VPS45: variants seen among roughly 807,000 people sequenced by gnomAD.
VPS45 encodes vacuolar protein sorting 45 homolog.
Under a neutral mutation model 75.9 loss-of-function variants are expected in VPS45, and 35 were observed. The observed-to-expected ratio is 0.46, with a 90% CI of 0.35 to 0.61. The LOEUF (loss-of-function observed/expected upper bound fraction) is 0.61, where lower values mean the gene tolerates loss of function less well. VPS45 is among the 20% of genes least tolerant of loss of function. The probability of loss-of-function intolerance (pLI) is 0.00; values close to 1 mark genes in which losing one functional copy is unlikely to be tolerated. For synonymous variants in VPS45, 220 were observed against 238.2 expected (o/e 0.92, Z 0.70); for missense variants, 559 against 685.9 (o/e 0.81, Z 2.07).
At chr1:150,093,709 A>G in intron 13 of VPS45, 61 bp downstream of exon 13, 1 of 1,569,382 alleles carries the variant, frequency 6.4e-7, no homozygotes, top group Non-Finnish European at 8.6e-7. Context: ...GAAAATTTAG[A>G]GTAATGTTAA....
At chr1:150,134,435 G>T (rs895156048) in intron 14 of VPS45, among the ~76,000 whole-genome samples, 1 of 152,136 alleles carries the variant, frequency 6.6e-6, no homozygotes, top group Non-Finnish European at 1.5e-5. Context: ...AAATACGCTT[G>T]AGCCTTTCAC....
intron 13 of VPS45, among the ~76,000 whole-genome samples, chr1:150,102,277 G>C (rs1162021413): frequency 4.1e-5 from 6 of 147,774 alleles, no homozygotes; most frequent in African/African-American, 1.2e-4. Flanking sequence ...TGGCCAGGTT[G>C]GGTGGCTCAT....
At chr1:150,132,906 T>C (rs903352857) in intron 14 of VPS45, among the ~76,000 whole-genome samples, 1 of 152,206 alleles carries the variant, frequency 6.6e-6, no homozygotes, top group African/African-American at 2.4e-5. Flanking sequence ...TTAGAGGTGA[T>C]CTGGCAGAGG....
chr1:150,092,878 G>C (rs1656413258), intron 12 of VPS45, among the ~76,000 whole-genome samples: 1 of 110,432 alleles, frequency 9.1e-6, no homozygotes, highest in African/African-American at 3.6e-5. Context: ...GTCTCGCTCT[G>C]TCTCCCAGGC....
At position 150,092,011 on chromosome 1, in the gene VPS45, A is replaced by C; in HGVS notation, c.1179A>C (p.Leu393Phe). The change falls in exon 11 of 15, where the codon TTA (leucine) becomes TTC (phenylalanine). Residue 393 changes from leucine to phenylalanine, a missense_variant. Leu to Phe is a conservative substitution (Grantham distance 22, BLOSUM62 0). Transcript: ENST00000644510. ...DAARLVMLYA[L>F]HYERHSSNSL... ...CCCGCCTGGTGATGCTTTATGCTTT[A>C]CATTATGAGCGACACAGCAGCAATA... The C allele has an allele frequency of 6.2e-7, 1 of 1,614,140 alleles. No homozygotes were observed. The highest frequency in any genetic ancestry group is 8.5e-7 in the Non-Finnish European group (1 of 1,180,026).
At chr1:150,141,673 A>C (rs587755771) in intron 14 of VPS45, among the ~76,000 whole-genome samples, 1 of 152,262 alleles carries the variant, frequency 6.6e-6, no homozygotes, top group African/African-American at 2.4e-5. Flanking sequence ...GACAGCACAA[A>C]CTAAAAAAAG....
At chr1:150,106,782 T>C (rs1269787274) in intron 13 of VPS45, among the ~76,000 whole-genome samples, 2 of 152,214 alleles carry the variant, frequency 1.3e-5, no homozygotes, top group Admixed American at 6.5e-5. Context: ...GTTATGTCCT[T>C]CCCTTCATAG....
chr1:150,094,973 A>C (rs1656537856), intron 13 of VPS45, among the ~76,000 whole-genome samples: 1 of 152,228 alleles, frequency 6.6e-6, no homozygotes, highest in South Asian at 2.1e-4. Context: ...AGTTGTCAAC[A>C]TCTGTTACCA....
At chr1:150,110,713 A>C (rs1394967607) in intron 14 of VPS45, 86 bp downstream of exon 14, 6 of 1,355,420 alleles carry the variant, frequency 4.4e-6, no homozygotes, top group Non-Finnish European at 5.9e-6. Flanking sequence ...AAATTTGGTC[A>C]ATACTCACCA....
chr1:150,134,288 A>T (rs1362625776), intron 14 of VPS45, among the ~76,000 whole-genome samples: 1 of 152,182 alleles, frequency 6.6e-6, no homozygotes, highest in Non-Finnish European at 1.5e-5. Flanking sequence ...AAAAGTCAAA[A>T]CTCATATTAG....
At chr1:150,140,386 GGTGTGTGTGTGTGTGTGTGT>G (rs574312693) in intron 14 of VPS45, among the ~76,000 whole-genome samples, 1 of 140,346 alleles carries the variant, frequency 7.1e-6, no homozygotes, top group African/African-American at 2.7e-5. Flanking sequence ...CATCACTTCT[GGTGTGTGTGTGTGTGTGTGT>G]GTGTGTGTGT....
At chr1:150,075,788 C>T (rs1040713687) in intron 3 of VPS45, among the ~76,000 whole-genome samples, 5 of 152,084 alleles carry the variant, frequency 3.3e-5, no homozygotes, top group East Asian at 1.9e-4. Context: ...CTTCCTCTAT[C>T]GCCCAGGCTG....
rs189988695 is a variant in VPS45 at position 150,131,324 on chromosome 1, C to T, written c.1626-13385C>T. Among the ~76,000 whole-genome samples the T allele has an allele frequency of 1.1e-4, 17 of 152,080 alleles. No homozygotes were observed. The East Asian group carries it at 2.3e-3, about 21-fold the overall frequency. On this transcript the variant is annotated intron_variant, in intron 14 of 14. Coordinates refer to ENST00000644510, the MANE Select transcript of VPS45 (RefSeq NM_007259.5). ...AGGAGTTTGAAACCAGCCTGGCCAA[C>T]GTGGTGACACCCCATCTCTACTATA...
At chr1:150,110,453 T>G (rs1657584914) in intron 13 of VPS45, 43 bp from the exon 14 acceptor site, 2 of 1,559,326 alleles carry the variant, frequency 1.3e-6, no homozygotes, top group Non-Finnish European at 1.7e-6. Context: ...CAGTCCTTTT[T>G]TTTTCTTATC....
Position 150,125,343 on chromosome 1 carries a change from ATTTAT to A in VPS45, c.1625+14720_1625+14724del, listed in dbSNP as rs2101636746. ...ATTTTTTATTTTTTTTACTTTTTTT[ATTTAT>A]TTTTTAATATATATATATTTTTATT... On this transcript the variant is annotated intron_variant, in intron 14 of 14. Coordinates refer to ENST00000644510, the MANE Select transcript of VPS45 (RefSeq NM_007259.5). Among the ~76,000 whole-genome samples, 3 of 146,520 alleles carry A rather than the reference ATTTAT, an allele frequency of 2.0e-5. 1 individual carries two copies. Among genetic ancestry groups the A allele is most frequent in the African/African-American group, 7.5e-5 (3 of 40,260 alleles).
intron 2 of VPS45, among the ~76,000 whole-genome samples, chr1:150,070,735 G>A (rs587752621): frequency 5.9e-5 from 9 of 151,878 alleles, no homozygotes; most frequent in African/African-American, 2.2e-4. Context: ...CTTGAACCAG[G>A]GAGTCAGAGG....
chr1:150,096,368 A>G (rs1048517305), intron 13 of VPS45, among the ~76,000 whole-genome samples: 6 of 152,216 alleles, frequency 3.9e-5, no homozygotes, highest in Non-Finnish European at 8.8e-5. Context: ...GTATTAGTAC[A>G]GGTAAATTGG....
intron 13 of VPS45, among the ~76,000 whole-genome samples, chr1:150,094,307 CAT>C (rs1656506454): frequency 6.6e-6 from 1 of 151,908 alleles, no homozygotes; most frequent in Non-Finnish European, 1.5e-5. Context: ...AAGGGGCTAA[CAT>C]ATATACTTGA....
intron 10 of VPS45, among the ~76,000 whole-genome samples, chr1:150,090,303 T>A (rs587645277): frequency 6.6e-6 from 1 of 152,300 alleles, no homozygotes; most frequent in South Asian, 2.1e-4. Context: ...CTCTGTGAAG[T>A]CTTTCCTAAT....
Sources: gnomAD v4.1 joint callset for allele counts (sites outside exome capture counted in the v4.1 genomes callset) on GRCh38, gnomAD v4.1.1 for gene constraint, MANE v1.5 for transcripts, NCBI Gene and HGNC (gene_info 2026-07-23, HGNC 2026-07-21) for gene names.